ESPNL: variants seen among roughly 807,000 people sequenced by gnomAD.
The protein encoded by ESPNL is espin like.
A neutral mutation model predicts 46.8 loss-of-function variants in ESPNL; 49 were observed. The ratio of observed to expected loss-of-function variants is 1.05; its 90% CI spans 0.83 to 1.33. The LOEUF (loss-of-function observed/expected upper bound fraction) is 1.33. ESPNL is among the 40% of genes most tolerant of loss of function. ESPNL has a pLI of 0.00. For synonymous variants in ESPNL, 664 were observed against 662.1 expected, an observed-to-expected ratio of 1.00 and a Z score of -0.04; for missense variants, 1,540 against 1,436.6, an observed-to-expected ratio of 1.07 and a Z score of -1.16.
Position 238,129,017 on chromosome 2 carries a change from C to T in ESPNL, c.1413+113C>T, listed in dbSNP as rs916959695. 3.1e-4 allele frequency: 447 copies of T among 1,445,196 alleles called. 2 individuals carry two copies. The highest frequency in any genetic ancestry group is 2.9e-4 in the Non-Finnish European group (324 of 1,101,826). The allele number at this position is 1,445,196 out of a possible 1,614,324, so 89.5% of individuals were successfully genotyped here. A position where few individuals can be genotyped will look rare whatever the true frequency, so the allele number is the denominator to read the frequency against. Reference sequence around the variant, plus strand: ...GAACTGAATCCAAGACCCAGGGGCCCCTCTCCTCTGTGGCCTCAGCTGCTG... The same window carrying T: ...GAACTGAATCCAAGACCCAGGGGCCTCTCTCCTCTGTGGCCTCAGCTGCTG... On this transcript the variant is annotated intron_variant, in intron 8 of 8. Transcript: ENST00000343063.
chr2:238,117,000 A>G lies in ESPNL; in HGVS notation c.953A>G (p.Asp318Gly). Residue 318 changes from aspartate (D) to glycine (G), a missense_variant, in exon 5 of 9, where the codon GAC becomes GGC. By Grantham distance (94) the Asp-to-Gly change is moderately conservative. Coordinates refer to ENST00000343063, the MANE Select transcript of ESPNL (RefSeq NM_194312.4). ...CTGGCGGAGTACCATGGACACCGGG[A>G]CTGCGCCCAGTACCTGCGGGAGGTG... ...ADLAEYHGHR[D>G]CAQYLREVAQ... 2.5e-6 allele frequency: 4 copies of G among 1,612,312 alleles called. No homozygotes were observed. Among genetic ancestry groups the G allele is most frequent in the Non-Finnish European group, 3.4e-6 (4 of 1,179,686 alleles).
chr2:238,118,641 ATGGAGGAGAGTGGT>A, intron 5 of ESPNL, among the ~76,000 whole-genome samples: 1 of 124,524 alleles, frequency 8.0e-6, no homozygotes, highest in Non-Finnish European at 1.7e-5. Flanking sequence ...GGAGGAATGG[ATGGAGGAGAGTGGT>A]TGGAGGAGGG....
At position 238,132,320 on chromosome 2, in the gene ESPNL, C is replaced by T. The variant is rs1414119050; in HGVS notation, c.*588C>T. On this transcript the variant is annotated 3_prime_UTR_variant, in exon 9 of 9. Coordinates refer to ENST00000343063, the MANE Select transcript of ESPNL (RefSeq NM_194312.4). Reference sequence around the variant, plus strand: ...ACACCGATGCCCGCCAGGCCAGTGCCCCAGCCCAGGGTGCTCCGGAGGCCC... The same window carrying T: ...ACACCGATGCCCGCCAGGCCAGTGCTCCAGCCCAGGGTGCTCCGGAGGCCC... The T allele has an allele frequency of 1.3e-5, 2 of 153,196 alleles. No homozygotes were observed. Among genetic ancestry groups the T allele is most frequent in the African/African-American group, 2.4e-5 (1 of 41,488 alleles). 9.5% of individuals were successfully genotyped at this position (153,196 alleles called of 1,614,324 possible).
intron 4 of ESPNL, 42 bp downstream of exon 4, chr2:238,108,015 G>A (rs1234329407): frequency 1.9e-6 from 3 of 1,561,390 alleles, no homozygotes; most frequent in South Asian, 1.2e-5. Flanking sequence ...AGTCACAAGT[G>A]CCAGCCATGC....
At chr2:238,116,447 G>A (rs949748009) in intron 4 of ESPNL, among the ~76,000 whole-genome samples, 1 of 152,238 alleles carries the variant, frequency 6.6e-6, no homozygotes, top group African/African-American at 2.4e-5. Context: ...ATTGGGCCAG[G>A]AGGATGGTCC....
At chr2:238,118,555 G>A (rs1364138483) in intron 5 of ESPNL, among the ~76,000 whole-genome samples, 1 of 114,022 alleles carries the variant, frequency 8.8e-6, no homozygotes, top group Non-Finnish European at 1.8e-5. Flanking sequence ...TGGAAGAGGT[G>A]GATGGAGGAG....
At chr2:238,106,020 T>C (rs565283459) in intron 3 of ESPNL, among the ~76,000 whole-genome samples, 15 of 152,150 alleles carry the variant, frequency 9.9e-5, no homozygotes, top group African/African-American at 2.9e-4. Flanking sequence ...AGCTGGTTTA[T>C]GGGGGGAGCC....
chr2:238,103,705 C>T (rs1040844817), intron 2 of ESPNL, among the ~76,000 whole-genome samples: 3 of 152,346 alleles, frequency 2.0e-5, no homozygotes, highest in Non-Finnish European at 2.9e-5. Flanking sequence ...GGTGAAAGCA[C>T]GGATCCTCCC....
At chr2:238,111,150 T>C (rs35837769) in intron 4 of ESPNL, among the ~76,000 whole-genome samples, 78,444 of 151,462 alleles carry the variant, frequency 0.52, 20,538 homozygotes, top group East Asian at 0.56. Context: ...TGGTCTTGAA[T>C]TCCTGACCTC....
intron 4 of ESPNL, among the ~76,000 whole-genome samples, chr2:238,111,081 C>T (rs72987164): frequency 0.31 from 46,243 of 151,374 alleles, 8,969 homozygotes; most frequent in Non-Finnish European, 0.42. Flanking sequence ...CACGCACCAC[C>T]ACACCTGGCT....
intron 6 of ESPNL, among the ~76,000 whole-genome samples, chr2:238,127,220 C>T (rs550041389): frequency 1.9e-3 from 294 of 152,314 alleles, no homozygotes; most frequent in Non-Finnish European, 2.8e-3. Context: ...GGCTGTGATG[C>T]AGACGTGTTC....
chr2:238,130,282 G>C lies in ESPNL; in HGVS notation c.1568G>C (p.Cys523Ser). The change falls in exon 9 of 9, where the codon TGT becomes TCT. Residue 523 changes from cysteine to serine, a missense_variant. Cys to Ser is a moderately radical substitution (Grantham distance 112). Coordinates refer to ENST00000343063, the MANE Select transcript of ESPNL (RefSeq NM_194312.4). ...QIADLQLRRR[C>S]QEYESELGRL... is the part of the protein sequence containing the mutation. ...GCAGACCTGCAGCTTCGGCGCCGCT[G>C]TCAGGAGTATGAGAGTGAGCTGGGC... The C allele has an allele frequency of 1.9e-6, 3 of 1,607,718 alleles. No homozygotes were observed. The highest frequency in any genetic ancestry group is 2.5e-6 in the Non-Finnish European group (3 of 1,177,662).
At position 238,130,974 on chromosome 2, in the gene ESPNL, T is replaced by G. The variant is rs1692309619; in HGVS notation, c.2260T>G (p.Tyr754Asp). Residue 754 changes from tyrosine (Y) to aspartate (D), a missense_variant, in exon 9 of 9, where the codon TAC (tyrosine) becomes GAC (aspartate). Coordinates refer to ENST00000343063, the MANE Select transcript of ESPNL (RefSeq NM_194312.4). ...LFLSHWRRSA[Y>D]TPALKTVACR... is the part of the protein sequence containing the mutation. ...CCTCAGCCACTGGAGGAGATCGGCC[T>G]ACACGCCGGCCCTCAAGACAGTGGC... 1 of 1,548,404 alleles carries G rather than the reference T, an allele frequency of 6.5e-7. No individual in the cohort carries two copies. Among genetic ancestry groups the G allele is most frequent in the Non-Finnish European group, 8.7e-7 (1 of 1,147,246 alleles).
intron 5 of ESPNL, among the ~76,000 whole-genome samples, chr2:238,120,754 G>A (rs1356867072): frequency 2.6e-5 from 4 of 152,248 alleles, no homozygotes; most frequent in African/African-American, 9.6e-5. Flanking sequence ...CACTGGAGCT[G>A]TCCCCTCTTC....
chr2:238,108,077 CTT>C, intron 4 of ESPNL, 104 bp downstream of exon 4: 1 of 1,098,970 alleles, frequency 9.1e-7, no homozygotes, highest in Non-Finnish European at 1.3e-6. Context: ...TGATGACCCT[CTT>C]TTACAGATAG....
rs753170212 is a variant in ESPNL at position 238,131,489 on chromosome 2, C to T, written c.2775C>T (p.Arg925=). The T allele has an allele frequency of 4.3e-6, 7 of 1,611,726 alleles. No individual in the cohort carries two copies. The highest frequency in any genetic ancestry group is 5.9e-6 in the Non-Finnish European group (7 of 1,179,532). Reference sequence around the variant, plus strand: ...ACGGCTTCGAGGACATCAAAGCCCGCTTCTTTGGCTCCAGCCAGCGTCCCG... The same window carrying T: ...ACGGCTTCGAGGACATCAAAGCCCGTTTCTTTGGCTCCAGCCAGCGTCCCG... ...WTDGFEDIKA[R]FFGSSQRPAW... The change falls in exon 9 of 9, where the codon CGC becomes CGT. Residue 925 remains arginine, a synonymous_variant. Transcript: ENST00000343063.
intron 7 of ESPNL, 104 bp downstream of exon 7, chr2:238,127,838 C>T (rs2106478690): frequency 1.2e-6 from 1 of 845,264 alleles, no homozygotes. Flanking sequence ...CCAGGCCTTT[C>T]CTGAAGGGTG....
intron 7 of ESPNL, among the ~76,000 whole-genome samples, 177 bp from the exon 8 acceptor site, chr2:238,128,530 C>T (rs944858722): frequency 4.6e-5 from 7 of 152,154 alleles, no homozygotes; most frequent in Admixed American, 3.3e-4. Context: ...TGAGGCCTCA[C>T]TCTTAAGCTG....
intron 5 of ESPNL, among the ~76,000 whole-genome samples, chr2:238,117,609 G>A (rs116371135): frequency 0.011 from 1,749 of 152,342 alleles, 37 homozygotes; most frequent in African/African-American, 0.04. Flanking sequence ...CCTGGCTCTC[G>A]TCTCTCAGCC....
Sources: allele counts gnomAD v4.1 joint callset (sites outside exome capture counted in the v4.1 genomes callset), GRCh38; gene constraint gnomAD v4.1.1; transcripts MANE v1.5; gene names NCBI Gene and HGNC (gene_info 2026-07-23, HGNC 2026-07-21).